The following SNX25 variants were observed in gnomAD, a reference collection of about 807,000 sequenced individuals.
The protein encoded by SNX25 is sorting nexin-25.
In SNX25, 62 loss-of-function variants were observed where a neutral mutation model predicts 113.7. The ratio of observed to expected loss-of-function variants is 0.55; its 90% CI spans 0.44 to 0.67. SNX25 has a LOEUF of 0.67. Among genes scored for constraint, SNX25 ranks in the 30% least tolerant of loss-of-function variants. The pLI is 0.00. For synonymous variants in SNX25, 421 were observed against 436.2 expected, an observed-to-expected ratio of 0.97 and a Z score of 0.43; for missense variants, 1,014 against 1,161.0, an observed-to-expected ratio of 0.87 and a Z score of 1.84.
intron 6 of SNX25, among the ~76,000 whole-genome samples, chr4:185,302,828 C>G (rs1263762347): frequency 1.3e-5 from 2 of 152,190 alleles, no homozygotes. Flanking sequence ...TTCCTCCCTG[C>G]CCAGTCCTTG....
At chr4:185,317,716 A>G (rs1239588927) in intron 7 of SNX25, among the ~76,000 whole-genome samples, 1 of 152,190 alleles carries the variant, frequency 6.6e-6, no homozygotes, top group Non-Finnish European at 1.5e-5. Context: ...GTTTTCACTC[A>G]TAAGTGGTAG....
At chr4:185,372,780 T>C, downstream of SNX25, 1 of 1,285,036 alleles carries the variant, frequency 7.8e-7, no homozygotes, top group Non-Finnish European at 1.1e-6. Flanking sequence ...CTGTGAGAAA[T>C]AAATTTCTGT....
chr4:185,240,274 C>T (rs1579426669), intron 1 of SNX25, among the ~76,000 whole-genome samples: 2 of 152,318 alleles, frequency 1.3e-5, no homozygotes, highest in South Asian at 4.1e-4. Context: ...TCTCAATGAG[C>T]TGTTGAGTAC....
chr4:185,225,331 A>G (rs995664457), intron 1 of SNX25, among the ~76,000 whole-genome samples: 9 of 152,088 alleles, frequency 5.9e-5, no homozygotes, highest in Non-Finnish European at 1.0e-4. Flanking sequence ...TCACCGTGTT[A>G]GCCAGTATGG....
intron 1 of SNX25, among the ~76,000 whole-genome samples, chr4:185,211,876 T>C (rs1013038897): frequency 6.6e-6 from 1 of 152,212 alleles, no homozygotes; most frequent in Non-Finnish European, 1.5e-5. Flanking sequence ...CTCTGTTTCC[T>C]GGAAAATGCA....
At chr4:185,208,430 T>TCC (rs1737293223), upstream of SNX25, among the ~76,000 whole-genome samples, 2 of 152,044 alleles carry the variant, frequency 1.3e-5, no homozygotes, top group South Asian at 4.2e-4. Context: ...TTAGAAGGTT[T>TCC]AAGAAAGAAT....
downstream of SNX25, chr4:185,366,153 A>ATAGGG (rs2095387437): frequency 6.6e-6 from 1 of 152,242 alleles, no homozygotes; most frequent in African/African-American, 2.4e-5. Context: ...TCACAAATGA[A>ATAGGG]TAGCCTTGTA....
chr4:185,275,882 A>T (rs1205001792), intron 5 of SNX25, among the ~76,000 whole-genome samples: 1 of 152,236 alleles, frequency 6.6e-6, no homozygotes, highest in East Asian at 1.9e-4. Flanking sequence ...TTTTATGAAA[A>T]GAATGAATGA....
intron 1 of SNX25, among the ~76,000 whole-genome samples, chr4:185,236,244 T>C (rs1339974839): frequency 6.6e-6 from 1 of 152,164 alleles, no homozygotes; most frequent in Admixed American, 6.5e-5. Context: ...CCTATAACTT[T>C]TTATAACTTT....
intron 1 of SNX25, among the ~76,000 whole-genome samples, chr4:185,234,991 G>T (rs1224808158): frequency 6.6e-6 from 1 of 152,170 alleles, no homozygotes; most frequent in Non-Finnish European, 1.5e-5. Context: ...TTTTGTCATG[G>T]TAATAATAAG....
At chr4:185,370,863 G>A (rs1288159464), downstream of SNX25, 1 of 1,598,086 alleles carries the variant, frequency 6.3e-7, no homozygotes, top group Non-Finnish European at 8.6e-7. Context: ...GTTATGGTAA[G>A]TGTTTGTAAA....
In SNX25 at chr4:185,240,182, G is replaced by A. The variant is rs1400683272; in HGVS notation, c.430-7112G>A. ...TGTCTACCTCTTTCTACACAGACAT[G>A]GCAACCATCCGATTTCTCAGTCTTT... On this transcript the variant is annotated intron_variant, in intron 1 of 18. Coordinates refer to ENST00000652585, the MANE Select transcript of SNX25 (RefSeq NM_001378034.2). Among the ~76,000 whole-genome samples, 308 of 151,740 alleles carry A rather than the reference G, an allele frequency of 2.0e-3. 4 individuals are homozygous for A. Among genetic ancestry groups the A allele is most frequent in the Middle Eastern group, 3.4e-3 (1 of 292 alleles).
rs1326839176 is a variant in SNX25, at chr4:185,278,022, G to A, written c.1092-9990G>A. 1.5e-4 allele frequency among the ~76,000 whole-genome samples: 7 copies of A among 45,222 alleles called. 2 individuals are homozygous for A. The Admixed American group carries it at 1.7e-3, about 11-fold the overall frequency. 29.7% of individuals were successfully genotyped at this position (45,222 alleles called of 152,430 possible). A position where few individuals can be genotyped will look rare whatever the true frequency, so the allele number is the denominator to read the frequency against. ...GCTGGGATTACAGGCGTGAGCCACCGCGCCCGGCCTTATTACCTTTTAAAA... is the reference window on the plus strand; with the variant it reads ...GCTGGGATTACAGGCGTGAGCCACCACGCCCGGCCTTATTACCTTTTAAAA... On this transcript the variant is annotated intron_variant, in intron 5 of 18. Transcript: ENST00000652585.
intron 5 of SNX25, among the ~76,000 whole-genome samples, chr4:185,276,124 G>T (rs1019453322): frequency 6.6e-6 from 1 of 152,218 alleles, no homozygotes; most frequent in Non-Finnish European, 1.5e-5. Flanking sequence ...AAGGGGAAAT[G>T]TTGGTATAAA....
intron 7 of SNX25, among the ~76,000 whole-genome samples, chr4:185,314,922 T>C (rs2095059472): frequency 7.1e-6 from 1 of 141,470 alleles, no homozygotes; most frequent in African/African-American, 2.6e-5. Context: ...TATTGAAGAA[T>C]ATAATAATAA....
At chr4:185,375,765 G>A in the SNX25 span, 1 of 1,388,644 alleles carries the variant, frequency 7.2e-7, no homozygotes, top group Non-Finnish European at 1.0e-6. Context: ...TTTTTATTAT[G>A]ATCTTAAAGT....
In SNX25 at chr4:185,320,760, A is replaced by G. The variant is rs374074158; in HGVS notation, c.1372A>G (p.Asn458Asp). The change falls in exon 8 of 19, where the codon AAT becomes GAT. Residue 458 changes from asparagine to aspartate, a missense_variant. Coordinates refer to ENST00000652585, the MANE Select transcript of SNX25 (RefSeq NM_001378034.2). ...TCTTCAGTTTGAAGATATCTTGGCCAATACGTTCTACCGAGAGCACTTTGG... is the reference window on the plus strand; with the variant it reads ...TCTTCAGTTTGAAGATATCTTGGCCGATACGTTCTACCGAGAGCACTTTGG... ...KILQFEDILA[N>D]TFYREHFGMY... 4 of 1,572,846 alleles carry G rather than the reference A, an allele frequency of 2.5e-6. No individual in the cohort carries two copies. In the African/African-American group the frequency reaches 5.5e-5, roughly 21 times the overall value.
chr4:185,370,661 G>A (rs995973965), downstream of SNX25: 31 of 1,613,844 alleles, frequency 1.9e-5, no homozygotes, highest in Middle Eastern at 1.7e-4. Flanking sequence ...AGTGTTTAGC[G>A]GTTGTTTCAT....
At chr4:185,371,252 A>C (rs1269896928), downstream of SNX25, among the ~76,000 whole-genome samples, 1 of 152,138 alleles carries the variant, frequency 6.6e-6, no homozygotes, top group Non-Finnish European at 1.5e-5. Flanking sequence ...TTAAAAATAG[A>C]CAATTGGCTG....
Sources: gnomAD v4.1 joint callset for allele counts (sites outside exome capture counted in the v4.1 genomes callset) on GRCh38, gnomAD v4.1.1 for gene constraint, MANE v1.5 for transcripts, NCBI Gene and HGNC (gene_info 2026-07-23, HGNC 2026-07-21) for gene names.